The following PEPD variants were observed in gnomAD, a reference collection of about 807,000 sequenced individuals.
PEPD encodes xaa-Pro dipeptidase.
A neutral mutation model predicts 60.7 loss-of-function variants in PEPD; 53 were observed. The ratio of observed to expected loss-of-function variants is 0.87; its 90% confidence interval spans 0.70 to 1.10. PEPD has a LOEUF of 1.10. Among genes scored for constraint, PEPD ranks in the 50% least tolerant of loss-of-function variants. The probability of loss-of-function intolerance (pLI) is 0.00; values close to 1 mark genes in which losing one functional copy is unlikely to be tolerated. For missense variants in PEPD, 711 were observed against 711.9 expected (o/e 1.00, Z 0.01); for synonymous variants, 267 against 284.1 (o/e 0.94, Z 0.60).
chr19:33,508,034 G>A (rs1328189796), intron 3 of PEPD, among the ~76,000 whole-genome samples: 1 of 152,002 alleles, frequency 6.6e-6, no homozygotes, highest in Non-Finnish European at 1.5e-5. Context: ...GGAGACCCCT[G>A]TTGGAAACCC....
chr19:33,394,720 C>T (rs570838104), intron 12 of PEPD, among the ~76,000 whole-genome samples: 224 of 152,306 alleles, frequency 1.5e-3, no homozygotes, highest in African/African-American at 2.2e-3. Flanking sequence ...CTGGAGACAC[C>T]GTCAAGCTCT....
intron 11 of PEPD, among the ~76,000 whole-genome samples, chr19:33,403,318 C>G (rs371867227): frequency 6.6e-6 from 1 of 152,310 alleles, no homozygotes; most frequent in East Asian, 1.9e-4. Flanking sequence ...GGACCAGAGC[C>G]CACCACGTCT....
intron 11 of PEPD, among the ~76,000 whole-genome samples, 160 bp downstream of exon 11, chr19:33,411,512 C>T (rs570146333): frequency 1.5e-4 from 23 of 152,264 alleles, no homozygotes; most frequent in Admixed American, 3.3e-4. Context: ...CCACGCAGGC[C>T]GATAGCCTTG....
At chr19:33,487,785 G>A (rs984766502) in intron 6 of PEPD, among the ~76,000 whole-genome samples, 1 of 152,186 alleles carries the variant, frequency 6.6e-6, no homozygotes, top group Non-Finnish European at 1.5e-5. Context: ...TGGGGAGTTT[G>A]CAGAGCACAG....
At chr19:33,439,808 C>T (rs1250811011) in intron 9 of PEPD, among the ~76,000 whole-genome samples, 1 of 152,192 alleles carries the variant, frequency 6.6e-6, no homozygotes, top group Non-Finnish European at 1.5e-5. Flanking sequence ...AGGGTGCTGC[C>T]ACCCTTAAGG....
Position 33,411,701 on chromosome 19 carries a change from G to T in PEPD, c.789C>A (p.Asn263Lys), listed in dbSNP as rs764977621. ...VLHYGHAGAP[N>K]DRTIQNGDMC... is the part of the protein sequence containing the mutation. The stretch of plus-strand genomic sequence containing the variant: ...TATCCCCATTCTGGATCGTTCGGTC[G>T]TTGGGAGCTCCGGCGTGTCCGTAGT... The change falls in exon 11 of 15, where the codon AAC becomes AAA. Residue 263 changes from asparagine (N) to lysine (K), a missense_variant. Transcript: ENST00000244137. The T allele has an allele frequency of 2.4e-5, 38 of 1,610,184 alleles. No individual in the cohort carries two copies. Among genetic ancestry groups the T allele is most frequent in the Non-Finnish European group, 2.8e-5 (33 of 1,176,882 alleles).
chr19:33,476,372 C>G (rs1031299150), intron 7 of PEPD, among the ~76,000 whole-genome samples: 1 of 152,184 alleles, frequency 6.6e-6, no homozygotes, highest in Non-Finnish European at 1.5e-5. Flanking sequence ...ACCCCAAGTC[C>G]CAGATCTGCC....
chr19:33,397,355 C>T (rs1237354218), intron 12 of PEPD, among the ~76,000 whole-genome samples: 3 of 152,088 alleles, frequency 2.0e-5, no homozygotes, highest in Non-Finnish European at 2.9e-5. Flanking sequence ...TGCAGTCGGG[C>T]AGTCTCGGTG....
At chr19:33,420,702 A>AAAATAAAT (rs61576295) in intron 9 of PEPD, among the ~76,000 whole-genome samples, 284 of 149,308 alleles carry the variant, frequency 1.9e-3, no homozygotes, top group African/African-American at 4.4e-3. Context: ...ACTCTGTCTC[A>AAAATAAAT]AAATAAATAA....
intron 5 of PEPD, among the ~76,000 whole-genome samples, chr19:33,492,228 C>T (rs575063063): frequency 6.6e-6 from 1 of 152,088 alleles, no homozygotes; most frequent in African/African-American, 2.4e-5. Flanking sequence ...GCCGGCGTAC[C>T]CAGAGCCCAC....
intron 7 of PEPD, among the ~76,000 whole-genome samples, chr19:33,464,471 G>T (rs1214979615): frequency 6.6e-5 from 10 of 152,182 alleles, no homozygotes; most frequent in Admixed American, 6.5e-4. Context: ...TGCCTCCCAG[G>T]GCTCTGTCCT....
intron 4 of PEPD, among the ~76,000 whole-genome samples, chr19:33,498,717 G>A (rs575102007): frequency 3.3e-5 from 5 of 149,722 alleles, no homozygotes; most frequent in East Asian, 2.0e-4. Flanking sequence ...TGCCCATCCC[G>A]CCACAGTCCT....
intron 9 of PEPD, among the ~76,000 whole-genome samples, chr19:33,417,887 G>C (rs935189393): frequency 8.5e-5 from 13 of 152,210 alleles, no homozygotes; most frequent in African/African-American, 3.1e-4. Flanking sequence ...GTTCTCTACA[G>C]AAGTCCTTCC....
chr19:33,435,128 A>G (rs936266502), intron 9 of PEPD, among the ~76,000 whole-genome samples: 8 of 152,180 alleles, frequency 5.3e-5, no homozygotes, highest in Non-Finnish European at 7.3e-5. Context: ...TCCCTCATCC[A>G]TCCGGCATCT....
At chr19:33,511,502 C>A (rs1405772992) in intron 2 of PEPD, 4 of 359,738 alleles carry the variant, frequency 1.1e-5, no homozygotes, top group Admixed American at 7.8e-5. Context: ...TGCAGGCAGG[C>A]AAGACGCCCC....
In PEPD at chr19:33,432,423, C is replaced by T. The variant is rs962937297; in HGVS notation, c.672-18780G>A. ...ACACGGGGCACCCCACCCTGGGGAC[C>T]ACCCACCCAAGCAAAAGGAGCCCAC... On this transcript the variant is annotated intron_variant, in intron 9 of 14. Coordinates refer to ENST00000244137, the MANE Select transcript of PEPD (RefSeq NM_000285.4). Among the ~76,000 whole-genome samples, 10 of 152,318 alleles carry T rather than the reference C, an allele frequency of 6.6e-5. No individual in the cohort carries two copies. The East Asian group carries it at 1.9e-3, about 29-fold the overall frequency.
chr19:33,394,666 T>C (rs547669444), intron 12 of PEPD, among the ~76,000 whole-genome samples: 18 of 152,288 alleles, frequency 1.2e-4, no homozygotes, highest in African/African-American at 4.3e-4. Flanking sequence ...GAGGGTTCCC[T>C]TGCTGGCCTG....
chr19:33,411,623 C>T, intron 11 of PEPD, 49 bp downstream of exon 11: 2 of 1,067,198 alleles, frequency 1.9e-6, no homozygotes, highest in Non-Finnish European at 2.9e-6. Context: ...TGAGTCCAAC[C>T]TTGGCCTGGC....
intron 9 of PEPD, among the ~76,000 whole-genome samples, chr19:33,441,596 CA>C (rs1188848560): frequency 2.0e-5 from 3 of 152,222 alleles, no homozygotes; most frequent in Non-Finnish European, 2.9e-5. Context: ...TCCTTCCCTT[CA>C]CTCAGGAGCA....
Sources: gnomAD v4.1 joint callset for allele counts (sites outside exome capture counted in the v4.1 genomes callset) on GRCh38, gnomAD v4.1.1 for gene constraint, MANE v1.5 for transcripts, NCBI Gene and HGNC (gene_info 2026-07-23, HGNC 2026-07-21) for gene names.